Variants in NARF observed in about 807,000 individuals in gnomAD.
NARF encodes nuclear prelamin A recognition factor.
Under a neutral mutation model 48.0 loss-of-function variants are expected in NARF, and 41 were observed. That is an observed-to-expected ratio of 0.85 (90% CI 0.66 to 1.11). The LOEUF is 1.11. Among genes scored for constraint, NARF ranks in the 50% least tolerant of loss-of-function variants. The probability of loss-of-function intolerance (pLI) is 0.00; values close to 1 mark genes in which losing one functional copy is unlikely to be tolerated. For missense variants in NARF, 613 were observed against 590.2 expected, an observed-to-expected ratio of 1.04 and a Z score of -0.40; for synonymous variants, 215 against 225.5, an observed-to-expected ratio of 0.95 and a Z score of 0.42.
chr17:82,473,010 G>A (rs1196278554), intron 5 of NARF, among the ~76,000 whole-genome samples: 1 of 151,454 alleles, frequency 6.6e-6, no homozygotes, highest in East Asian at 2.0e-4. Flanking sequence ...GCACGATCTC[G>A]GCTCACTGCA....
chr17:82,458,861 C>G, intron 1 of NARF, 31 bp downstream of exon 1: 2 of 1,389,710 alleles, frequency 1.4e-6, no homozygotes, highest in Non-Finnish European at 1.9e-6. Context: ...AGGCGCGCGC[C>G]TGGTGCTTGT....
chr17:82,471,442 G>A (rs1342748359), intron 4 of NARF, among the ~76,000 whole-genome samples: 13 of 143,350 alleles, frequency 9.1e-5, no homozygotes, highest in African/African-American at 2.9e-4. Context: ...GCAACAGGGC[G>A]AGACACTGTC....
chr17:82,468,475 G>A, intron 3 of NARF: 1 of 356,692 alleles, frequency 2.8e-6, no homozygotes, highest in Admixed American at 4.6e-5. Flanking sequence ...TGATCCTCCT[G>A]TTTCAGCCTC....
chr17:82,478,305 T>G (rs1296598985), intron 5 of NARF, among the ~76,000 whole-genome samples: 2 of 152,220 alleles, frequency 1.3e-5, no homozygotes, highest in Non-Finnish European at 2.9e-5. Context: ...TTATTACGAC[T>G]TGAGGAGTAT....
chr17:82,484,870 G>A lies in NARF; in HGVS notation c.891G>A (p.Gly297=). 6.2e-7 allele frequency: 1 copy of A among 1,613,164 alleles called. No individual in the cohort carries two copies. Among genetic ancestry groups the A allele is most frequent in the Non-Finnish European group, 8.5e-7 (1 of 1,179,564 alleles). ...GTCATGATGGAGCCAGCTCAGACGG[G>A]CACCTGGCACACATCTTCAGACATG... ...VTRHDGASSD[G]HLAHIFRHAA... The change falls in exon 9 of 11, where the codon GGG becomes GGA. Residue 297 remains glycine, a synonymous_variant. Transcript: ENST00000309794.
chr17:82,464,899 T>A (rs2043527360), intron 3 of NARF, among the ~76,000 whole-genome samples: 1 of 152,188 alleles, frequency 6.6e-6, no homozygotes, highest in African/African-American at 2.4e-5. Context: ...CCTGCAGACC[T>A]CCTATACAGA....
Position 82,483,687 on chromosome 17 carries a change from T to C in NARF, c.770-29T>C, listed in dbSNP as rs750743265. The C allele has an allele frequency of 1.3e-5, 21 of 1,612,206 alleles. No homozygotes were observed. The South Asian group carries it at 2.3e-4, about 18-fold the overall frequency. On this transcript the variant is annotated intron_variant, in intron 7 of 10. Transcript: ENST00000309794. Reference sequence around the variant, plus strand: ...AAAGTTCCTGTGGCCACCTGTGTCTTTTCAGTGTCTTACTTCGTTTGTCTG... The same window carrying C: ...AAAGTTCCTGTGGCCACCTGTGTCTCTTCAGTGTCTTACTTCGTTTGTCTG...
chr17:82,480,285 G>A (rs922105237), intron 6 of NARF: 17 of 385,728 alleles, frequency 4.4e-5, no homozygotes, highest in Middle Eastern at 3.4e-4. Context: ...AGTAGCCAGC[G>A]CGCGCACACA....
chr17:82,473,419 G>C (rs1425227866), intron 5 of NARF, among the ~76,000 whole-genome samples: 1 of 144,640 alleles, frequency 6.9e-6, no homozygotes, highest in Non-Finnish European at 1.5e-5. Context: ...TTTTGTTGTT[G>C]AGACAGAGTC....
rs779894505 is a variant in NARF, at chr17:82,460,150, C to G, written c.108+78C>G. On this transcript the variant is annotated intron_variant, in intron 2 of 10. Transcript: ENST00000309794. ...TTTTCTCTTTGGGGGCTCACAGCAC[C>G]GTGCACATCACTGCTTTAAAGAAGA... 7 of 1,226,190 alleles carry G rather than the reference C, an allele frequency of 5.7e-6. No individual in the cohort carries two copies. In the Admixed American group the frequency reaches 1.3e-4, roughly 23 times the overall value. The allele number at this position is 1,226,190 out of a possible 1,614,324, so 76.0% of individuals were successfully genotyped here.
chr17:82,477,367 G>A (rs972384406), intron 5 of NARF, among the ~76,000 whole-genome samples: 4 of 151,818 alleles, frequency 2.6e-5, no homozygotes, highest in African/African-American at 4.8e-5. Context: ...GGCCACACAC[G>A]GTGGCGCACA....
In NARF at chr17:82,481,114, T is replaced by C. The variant is rs1287228322; in HGVS notation, c.672T>C (p.Ile224=). The change falls in exon 7 of 11, where the codon ATT becomes ATC. Residue 224 remains isoleucine, a synonymous_variant. Coordinates refer to ENST00000309794, the MANE Select transcript of NARF (RefSeq NM_012336.4). ...CTCCAGAGAAGATTTTCCACGTCATTGTGGCCCCTTGTTATGACAAGAAGC... is the reference window on the plus strand; with the variant it reads ...CTCCAGAGAAGATTTTCCACGTCATCGTGGCCCCTTGTTATGACAAGAAGC... ...NLSPEKIFHV[I]VAPCYDKKLE... is the part of the protein sequence containing the mutation. 6.2e-7 allele frequency: 1 copy of C among 1,614,030 alleles called. No individual in the cohort carries two copies. Among genetic ancestry groups the C allele is most frequent in the Admixed American group, 1.7e-5 (1 of 60,014 alleles).
At chr17:82,484,661 T>G in intron 8 of NARF, 152 bp from the exon 9 acceptor site, 1 of 911,922 alleles carries the variant, frequency 1.1e-6, no homozygotes, top group East Asian at 3.0e-5. Flanking sequence ...GATGCTAGAA[T>G]GGGACTTTCT....
chr17:82,465,588 C>T (rs2043546025), intron 3 of NARF, among the ~76,000 whole-genome samples: 1 of 152,154 alleles, frequency 6.6e-6, no homozygotes, highest in Non-Finnish European at 1.5e-5. Context: ...CAATATTTTT[C>T]TTTGTGAGAC....
In NARF at chr17:82,458,859, G is replaced by A. The variant is rs757402007; in HGVS notation, c.27+29G>A. 2.5e-5 allele frequency: 35 copies of A among 1,390,820 alleles called. No individual in the cohort carries two copies. The African/African-American group carries it at 5.0e-4, about 20-fold the overall frequency. The allele number at this position is 1,390,820 out of a possible 1,614,324, so 86.2% of individuals were successfully genotyped here. ...AGCGCCGCGGGCCGGGGAGGCGCGCGCCTGGTGCTTGTCCTGTGGGGCTCT... is the reference window on the plus strand; with the variant it reads ...AGCGCCGCGGGCCGGGGAGGCGCGCACCTGGTGCTTGTCCTGTGGGGCTCT... On this transcript the variant is annotated intron_variant, in intron 1 of 10. Coordinates refer to ENST00000309794, the MANE Select transcript of NARF (RefSeq NM_012336.4).
At chr17:82,467,989 C>CT (rs2043610435) in intron 3 of NARF, among the ~76,000 whole-genome samples, 4 of 152,060 alleles carry the variant, frequency 2.6e-5, no homozygotes, top group Non-Finnish European at 5.9e-5. Flanking sequence ...TTGACAAAGT[C>CT]TTTTAGATCT....
intron 6 of NARF, 77 bp from the exon 7 acceptor site, chr17:82,481,005 C>T: frequency 7.6e-6 from 12 of 1,588,698 alleles, no homozygotes; most frequent in South Asian, 1.1e-5. Context: ...GTCTCCCATC[C>T]CTCTTGTTCT....
chr17:82,484,857 C>G lies in NARF; in HGVS notation c.878C>G (p.Ala293Gly). ...GACAAAGTGACGCGTCATGATGGAGCCAGCTCAGACGGGCACCTGGCACAC... is the reference window on the plus strand; with the variant it reads ...GACAAAGTGACGCGTCATGATGGAGGCAGCTCAGACGGGCACCTGGCACAC... ...KEDKVTRHDG[A>G]SSDGHLAHIF... Residue 293 changes from alanine (A) to glycine (G), a missense_variant, in exon 9 of 11, where the codon GCC (alanine) becomes GGC (glycine). Coordinates refer to ENST00000309794, the MANE Select transcript of NARF (RefSeq NM_012336.4). The G allele has an allele frequency of 6.2e-7, 1 of 1,611,956 alleles. No individual in the cohort carries two copies. The highest frequency in any genetic ancestry group is 8.5e-7 in the Non-Finnish European group (1 of 1,178,962).
chr17:82,468,945 C>T (rs1274549743), intron 4 of NARF, 49 bp downstream of exon 4: 13 of 1,599,596 alleles, frequency 8.1e-6, no homozygotes, highest in Middle Eastern at 1.7e-4. Flanking sequence ...AGTTTATAAG[C>T]GCCCTTTTTA....
Sources: allele counts gnomAD v4.1 joint callset (sites outside exome capture counted in the v4.1 genomes callset), GRCh38; gene constraint gnomAD v4.1.1; transcripts MANE v1.5; gene names NCBI Gene and HGNC (gene_info 2026-07-23, HGNC 2026-07-21).